Variants in GFI1B observed in about 807,000 individuals in gnomAD.
GFI1B encodes the protein zinc finger protein Gfi-1b.
In GFI1B, 20 loss-of-function variants were observed where a neutral mutation model predicts 35.3. That is an observed-to-expected ratio of 0.57 (90% confidence interval 0.40 to 0.82). GFI1B has a LOEUF of 0.82. GFI1B is among the 40% of genes least tolerant of loss of function. GFI1B has a pLI of 0.00. For synonymous variants in GFI1B, 178 were observed against 177.6 expected, an observed-to-expected ratio of 1.00 and a Z score of -0.02; for missense variants, 430 against 446.3, an observed-to-expected ratio of 0.96 and a Z score of 0.33.
chr9:132,989,758 G>A lies in GFI1B; in HGVS notation c.665G>A (p.Cys222Tyr). 3.1e-6 allele frequency: 5 copies of A among 1,614,074 alleles called. No individual in the cohort carries two copies. Among genetic ancestry groups the A allele is most frequent in the Non-Finnish European group, 4.2e-6 (5 of 1,179,920 alleles). ...CTCCGGCAGGAGCGCAGCTTCGAGT[G>A]CCGCATGTGCGGCAAGGCCTTCAAG... ...HVHSQERSFE[C>Y]RMCGKAFKRS... Residue 222 changes from cysteine (C) to tyrosine (Y), a missense_variant, in exon 6 of 7, where the codon TGC becomes TAC. Transcript: ENST00000372122. This position sits in a 1 kb window ranked among gnomAD's most constrained non-coding sequence, Gnocchi z 6.2.
chr9:132,976,704 A>G (rs1192265236), upstream of GFI1B: 1 of 152,196 alleles, frequency 6.6e-6, no homozygotes, highest in Non-Finnish European at 1.5e-5. Flanking sequence ...TAGAGGAGAC[A>G]TTTGAGAACT....
At position 132,988,451 on chromosome 9, in the gene GFI1B, T is replaced by G; in HGVS notation, c.493T>G (p.Cys165Gly). Residue 165 changes from cysteine (C) to glycine (G), a missense_variant, in exon 4 of 7, where the codon TGT (cysteine) becomes GGT (glycine). By Grantham distance (159) the Cys-to-Gly change is radical. Coordinates refer to ENST00000372122, the MANE Select transcript of GFI1B (RefSeq NM_001377304.1). ...RYSPGMDAYH[C>G]VKCNKVFSTP... ...CTCCCCAGGCATGGATGCGTACCACTGTGTGAAGTGCAACAAGGTGGGCAG... is the reference window on the plus strand; with the variant it reads ...CTCCCCAGGCATGGATGCGTACCACGGTGTGAAGTGCAACAAGGTGGGCAG... 9 of 1,613,780 alleles carry G rather than the reference T, an allele frequency of 5.6e-6. No homozygotes were observed. The highest frequency in any genetic ancestry group is 7.6e-6 in the Non-Finnish European group (9 of 1,180,000).
At chr9:132,946,495 A>G (rs12380834) in intron 1 of GFI1B, 32,717 of 152,024 alleles carry the variant, frequency 0.22, 3,639 homozygotes, top group African/African-American at 0.23. Context: ...CTGTGTCACC[A>G]CCCAAGCATA....
intron 2 of GFI1B, among the ~76,000 whole-genome samples, chr9:132,987,000 C>G (rs541985440): frequency 6.6e-6 from 1 of 152,234 alleles, no homozygotes; most frequent in Admixed American, 6.5e-5. Flanking sequence ...GGAGCCAGTA[C>G]TTAGTTACTG....
intron 1 of GFI1B, among the ~76,000 whole-genome samples, chr9:132,958,856 G>A (rs765367695): frequency 2.0e-5 from 3 of 152,318 alleles, no homozygotes; most frequent in Non-Finnish European, 4.4e-5. Context: ...TGAAGGCAGA[G>A]GCCAAGATTT....
rs773869692 is a variant in GFI1B at position 132,989,860 on chromosome 9, G to A, written c.767G>A (p.Arg256His). Residue 256 changes from arginine (R) to histidine (H), a missense_variant, in exon 6 of 7, where the codon CGT becomes CAT. Coordinates refer to ENST00000372122, the MANE Select transcript of GFI1B (RefSeq NM_001377304.1). The surrounding 1 kb of genome is among the most constrained non-coding windows in gnomAD (Gnocchi z 6.2). ...TACCCCTGCCAGTTCTGCGGCAAGC[G>A]TTTCCACCAGAAGTCCGACATGAAG... The part of the protein sequence containing the change: ...RPYPCQFCGK[R>H]FHQKSDMKKH... 13 of 1,614,088 alleles carry A rather than the reference G, an allele frequency of 8.1e-6. No homozygotes were observed. Among genetic ancestry groups the A allele is most frequent in the South Asian group, 1.1e-5 (1 of 91,092 alleles).
chr9:132,946,015 G>A (rs1462893628), intron 1 of GFI1B, among the ~76,000 whole-genome samples: 1 of 152,198 alleles, frequency 6.6e-6, no homozygotes, highest in Non-Finnish European at 1.5e-5. Flanking sequence ...TAGAGCCGCT[G>A]CTAGTCAGTA....
chr9:132,992,436 C>A (rs1849319736), downstream of GFI1B, among the ~76,000 whole-genome samples: 1 of 152,146 alleles, frequency 6.6e-6, no homozygotes, highest in Non-Finnish European at 1.5e-5. Context: ...CCACACCTGT[C>A]TAGCTGTGTG....
chr9:132,975,979 G>A (rs1848622457), upstream of GFI1B, among the ~76,000 whole-genome samples: 1 of 152,202 alleles, frequency 6.6e-6, no homozygotes, highest in Non-Finnish European at 1.5e-5. Context: ...CCTGGCCACT[G>A]CTCTCCCATC....
upstream of GFI1B, among the ~76,000 whole-genome samples, chr9:132,976,056 G>C (rs1271286873): frequency 1.3e-5 from 2 of 152,206 alleles, no homozygotes; most frequent in African/African-American, 4.8e-5. Flanking sequence ...GGCTGTCCCT[G>C]TGTCAGTTAC....
chr9:132,990,157 G>A (rs1849239269), intron 6 of GFI1B, among the ~76,000 whole-genome samples: 1 of 152,212 alleles, frequency 6.6e-6, no homozygotes, highest in South Asian at 2.1e-4. Context: ...CAGGCGAACT[G>A]CTCATTCATT....
chr9:132,965,024 C>A (rs1848429114), intron 1 of GFI1B, among the ~76,000 whole-genome samples: 1 of 152,174 alleles, frequency 6.6e-6, no homozygotes, highest in African/African-American at 2.4e-5. Flanking sequence ...CAATAATTTA[C>A]TATGGCCCCC....
At chr9:132,987,975 G>C (rs529973776) in intron 3 of GFI1B, among the ~76,000 whole-genome samples, 1 of 152,194 alleles carries the variant, frequency 6.6e-6, no homozygotes, top group African/African-American at 2.4e-5. Context: ...CTCCCTAGTA[G>C]CTGGGATTAT....
At position 132,989,315 on chromosome 9, in the gene GFI1B, G is replaced by A; in HGVS notation, c.648+117G>A. On this transcript the variant is annotated intron_variant, in intron 5 of 6. Transcript: ENST00000372122. This position sits in a 1 kb window ranked among gnomAD's most constrained non-coding sequence, Gnocchi z 6.2. ...TGCCCCTGGGGGTGACACAGATTGG[G>A]AGGGGTCCCCTAGTACCCACCTCCC... 9.5e-7 allele frequency: 1 copy of A among 1,051,570 alleles called. No homozygotes were observed. The highest frequency in any genetic ancestry group is 2.5e-5 in the East Asian group (1 of 40,230). 65.1% of individuals were successfully genotyped at this position (1,051,570 alleles called of 1,614,324 possible). A position where few individuals can be genotyped will look rare whatever the true frequency, so the allele number is the denominator to read the frequency against.
In GFI1B at chr9:132,991,431, C is replaced by T. The variant is rs139097004; in HGVS notation, c.*381C>T. 2.4e-5 allele frequency: 6 copies of T among 252,684 alleles called. No individual in the cohort carries two copies. In the East Asian group the frequency reaches 5.0e-4, roughly 21 times the overall value. 15.7% of individuals were successfully genotyped at this position (252,684 alleles called of 1,614,324 possible). A position where few individuals can be genotyped will look rare whatever the true frequency, so the allele number is the denominator to read the frequency against. ...CTGCCTGCTGCCCACTGAGCTGGGA[C>T]CTGGTCACCTTGGATTTTAGCCGGC... On this transcript the variant is annotated 3_prime_UTR_variant, in exon 7 of 7. Coordinates refer to ENST00000372122, the MANE Select transcript of GFI1B (RefSeq NM_001377304.1).
At chr9:132,964,118 T>C (rs975147090) in intron 1 of GFI1B, among the ~76,000 whole-genome samples, 2 of 152,136 alleles carry the variant, frequency 1.3e-5, no homozygotes, top group Non-Finnish European at 2.9e-5. Flanking sequence ...TGCACGCCTG[T>C]AATCCCAGCT....
chr9:132,992,910 T>A (rs1333348775), downstream of GFI1B, among the ~76,000 whole-genome samples: 1 of 151,932 alleles, frequency 6.6e-6, no homozygotes, highest in Non-Finnish European at 1.5e-5. Flanking sequence ...TTTCCATACA[T>A]TGTCTCTAAC....
upstream of GFI1B, among the ~76,000 whole-genome samples, chr9:132,977,268 T>C (rs1422379987): frequency 6.6e-6 from 1 of 152,126 alleles, no homozygotes; most frequent in African/African-American, 2.4e-5. Context: ...CAATAATAAT[T>C]TTTTAAAAAG....
chr9:132,984,152 G>A (rs1196749163), intron 1 of GFI1B, among the ~76,000 whole-genome samples: 1 of 152,172 alleles, frequency 6.6e-6, no homozygotes, highest in Non-Finnish European at 1.5e-5. Context: ...TATTTTGATA[G>A]GCAAACCATG....
Sources: allele counts gnomAD v4.1 joint callset (sites outside exome capture counted in the v4.1 genomes callset), GRCh38; gene constraint gnomAD v4.1.1; non-coding constraint Gnocchi (gnomAD v3.1); transcripts MANE v1.5; gene names NCBI Gene and HGNC (gene_info 2026-07-23, HGNC 2026-07-21).